SMARCC1: variants seen among roughly 807,000 people sequenced by gnomAD.
The protein encoded by SMARCC1 is SWI/SNF complex subunit SMARCC1.
In SMARCC1, 43 loss-of-function variants were observed where a neutral mutation model predicts 147.4. That is an observed-to-expected ratio of 0.29 (90% CI 0.23 to 0.38). The LOEUF (loss-of-function observed/expected upper bound fraction) is 0.38. Among genes scored for constraint, SMARCC1 ranks in the 10% least tolerant of loss-of-function variants. SMARCC1 has a pLI of 1.00. For missense variants in SMARCC1, 1,119 were observed against 1,381.1 expected, an observed-to-expected ratio of 0.81 and a Z score of 3.01; for synonymous variants, 495 against 484.4, an observed-to-expected ratio of 1.02 and a Z score of -0.29.
intron 14 of SMARCC1, among the ~76,000 whole-genome samples, chr3:47,683,186 G>C (rs371541630): frequency 6.6e-6 from 1 of 152,066 alleles, no homozygotes; most frequent in African/African-American, 2.4e-5. Flanking sequence ...GGGAATACAC[G>C]CGCCCGCCAC....
chr3:47,727,002 G>A (rs2034307751), intron 6 of SMARCC1, among the ~76,000 whole-genome samples: 1 of 151,980 alleles, frequency 6.6e-6, no homozygotes, highest in Non-Finnish European at 1.5e-5. Context: ...TTGAGGTCAG[G>A]AGTTTGAGAC....
At chr3:47,679,599 C>T (rs572376501) in intron 15 of SMARCC1, among the ~76,000 whole-genome samples, 3 of 152,224 alleles carry the variant, frequency 2.0e-5, no homozygotes, top group Admixed American at 6.5e-5. Context: ...TGGTGGCTCA[C>T]GCCTGTAATC....
intron 26 of SMARCC1, among the ~76,000 whole-genome samples, chr3:47,597,138 G>A (rs2032297057): frequency 2.7e-5 from 4 of 146,460 alleles, no homozygotes; most frequent in Non-Finnish European, 6.0e-5. Context: ...GCGACAGGGC[G>A]AGACTCAGTC....
chr3:47,772,689 A>T (rs2034929201), intron 2 of SMARCC1, 128 bp downstream of exon 2: 1 of 822,656 alleles, frequency 1.2e-6, no homozygotes. Context: ...CTATAACTAA[A>T]ATTTGTTTTT....
intron 26 of SMARCC1, among the ~76,000 whole-genome samples, chr3:47,596,338 G>A: frequency 6.6e-6 from 1 of 152,064 alleles, no homozygotes; most frequent in East Asian, 1.9e-4. Context: ...GGGAGGGCAA[G>A]GCAGGTGGAT....
rs1257169839 is a variant in SMARCC1 at position 47,585,925 on chromosome 3, A to G, written c.*2284T>C. On this transcript the variant is annotated 3_prime_UTR_variant, in exon 28 of 28. Coordinates refer to ENST00000254480, the MANE Select transcript of SMARCC1 (RefSeq NM_003074.4). ...ATGGTGTTCCATTTATTCACTGAAA[A>G]AGAGAGAGATTAGGCCTTCTTCATT... The G allele has an allele frequency of 3.3e-5, 5 of 152,630 alleles. No individual in the cohort carries two copies. Among genetic ancestry groups the G allele is most frequent in the African/African-American group, 9.7e-5 (4 of 41,444 alleles). 9.5% of individuals were successfully genotyped at this position (152,630 alleles called of 1,614,324 possible). A position where few individuals can be genotyped will look rare whatever the true frequency, so the allele number is the denominator to read the frequency against.
chr3:47,596,664 G>A (rs1216692832), intron 26 of SMARCC1, among the ~76,000 whole-genome samples: 2 of 152,008 alleles, frequency 1.3e-5, no homozygotes, highest in African/African-American at 4.8e-5. Context: ...CTGGGCTCAC[G>A]TGATTCTCCT....
chr3:47,658,488 C>T (rs1422906036), intron 21 of SMARCC1, among the ~76,000 whole-genome samples: 1 of 152,108 alleles, frequency 6.6e-6, no homozygotes, highest in African/African-American at 2.4e-5. Flanking sequence ...TATAGATTTC[C>T]CTCTTCAGGA....
At chr3:47,734,045 A>G (rs937942189) in intron 5 of SMARCC1, among the ~76,000 whole-genome samples, 15 of 151,944 alleles carry the variant, frequency 9.9e-5, no homozygotes, top group Non-Finnish European at 1.8e-4. Flanking sequence ...ACATACACAC[A>G]CGTATGTAAC....
chr3:47,692,373 T>C (rs1209685729), intron 12 of SMARCC1, among the ~76,000 whole-genome samples: 2 of 152,254 alleles, frequency 1.3e-5, no homozygotes, highest in Admixed American at 6.5e-5. Context: ...TCTCATTTTA[T>C]ACTGCTTAGA....
At chr3:47,592,300 G>A (rs1166296001) in intron 26 of SMARCC1, among the ~76,000 whole-genome samples, 2 of 152,212 alleles carry the variant, frequency 1.3e-5, no homozygotes, top group African/African-American at 4.8e-5. Context: ...TGCAAAGTAA[G>A]CATGAAGGCA....
intron 2 of SMARCC1, among the ~76,000 whole-genome samples, chr3:47,759,143 C>G (rs1331827666): frequency 6.6e-6 from 1 of 152,052 alleles, no homozygotes; most frequent in African/African-American, 2.4e-5. Context: ...TCCCAAATAG[C>G]TGGGACGACA....
At chr3:47,728,955 G>C (rs1482058236) in intron 6 of SMARCC1, 70 bp downstream of exon 6, 2 of 934,566 alleles carry the variant, frequency 2.1e-6, no homozygotes, top group African/African-American at 1.7e-5. Flanking sequence ...TTAAGTCTTT[G>C]GGGGTATGAC....
intron 2 of SMARCC1, among the ~76,000 whole-genome samples, chr3:47,748,909 C>G (rs1350014507): frequency 6.6e-6 from 1 of 152,158 alleles, no homozygotes; most frequent in Non-Finnish European, 1.5e-5. Flanking sequence ...GTTTCTCCAT[C>G]CCATAATCCC....
chr3:47,772,965 C>G, intron 1 of SMARCC1, 29 bp from the exon 2 acceptor site: 1 of 1,601,436 alleles, frequency 6.2e-7, no homozygotes, highest in South Asian at 1.1e-5. Context: ...CATTCAAAAA[C>G]TAGTACAATT....
chr3:47,748,412 C>T (rs2034590896), intron 2 of SMARCC1, among the ~76,000 whole-genome samples: 1 of 152,002 alleles, frequency 6.6e-6, no homozygotes. Context: ...ATTTAAAAGA[C>T]AAACTTTTGC....
At chr3:47,714,581 A>G in intron 7 of SMARCC1, 91 bp from the exon 8 acceptor site, 1 of 698,172 alleles carries the variant, frequency 1.4e-6, no homozygotes, top group Non-Finnish European at 2.5e-6. Context: ...TGTTTTAGAA[A>G]TACTACTAAA....
chr3:47,644,549 C>T (rs1292354236), intron 21 of SMARCC1, among the ~76,000 whole-genome samples: 1 of 152,078 alleles, frequency 6.6e-6, no homozygotes, highest in Admixed American at 6.6e-5. Context: ...GCTCTATCAC[C>T]CAGGCAGGAG....
chr3:47,614,725 C>CT (rs2032613008), intron 25 of SMARCC1, among the ~76,000 whole-genome samples: 1 of 152,162 alleles, frequency 6.6e-6, no homozygotes, highest in African/African-American at 2.4e-5. Context: ...CTGATTCTGA[C>CT]CTTGCTGCCT....
Sources: allele counts gnomAD v4.1 joint callset (sites outside exome capture counted in the v4.1 genomes callset), GRCh38; gene constraint gnomAD v4.1.1; transcripts MANE v1.5; gene names NCBI Gene and HGNC (gene_info 2026-07-23, HGNC 2026-07-21).